Variants in GPC6 observed in about 807,000 individuals in gnomAD.
GPC6 encodes the protein glypican-6.
Under a neutral mutation model 55.2 loss-of-function variants are expected in GPC6, and 14 were observed. The ratio of observed to expected loss-of-function variants is 0.25; its 90% confidence interval spans 0.17 to 0.40. The LOEUF is 0.40. Ranked by LOEUF, GPC6 falls within the 10% of genes least tolerant of loss-of-function variation. GPC6 has a pLI of 1.00. For missense variants in GPC6, 641 were observed against 708.5 expected, an observed-to-expected ratio of 0.90 and a Z score of 1.08; for synonymous variants, 278 against 259.6, an observed-to-expected ratio of 1.07 and a Z score of -0.68.
chr13:93,591,963 T>A (rs1268506661), intron 2 of GPC6, among the ~76,000 whole-genome samples: 1 of 152,196 alleles, frequency 6.6e-6, no homozygotes, highest in African/African-American at 2.4e-5. Context: ...AAATGAGCTA[T>A]TTAAATTAAG....
At chr13:93,761,566 C>G (rs7984578) in intron 2 of GPC6, among the ~76,000 whole-genome samples, 145,815 of 152,078 alleles carry the variant, frequency 0.96, 69,948 homozygotes, top group African/African-American at 0.99. Flanking sequence ...GCCCAGGCTG[C>G]AGTGCAGTGG....
intron 2 of GPC6, among the ~76,000 whole-genome samples, chr13:93,688,768 G>A (rs1033754177): frequency 4.6e-5 from 7 of 151,994 alleles, no homozygotes; most frequent in African/African-American, 1.4e-4. Flanking sequence ...GTGCTGAGGG[G>A]AGGGCAGAAT....
At chr13:93,510,833 T>G (rs1880926982) in intron 1 of GPC6, among the ~76,000 whole-genome samples, 1 of 150,434 alleles carries the variant, frequency 6.6e-6, no homozygotes, top group African/African-American at 2.4e-5. Flanking sequence ...GACTAGCTAT[T>G]CTGACCGGGG....
upstream of GPC6, among the ~76,000 whole-genome samples, chr13:93,224,465 AT>A (rs1256257137): frequency 6.6e-6 from 1 of 152,154 alleles, no homozygotes; most frequent in African/African-American, 2.4e-5. Context: ...AAGTGCTGGG[AT>A]TATAGGCATG....
chr13:93,968,382 A>C (rs926758913), intron 3 of GPC6, among the ~76,000 whole-genome samples: 2 of 152,222 alleles, frequency 1.3e-5, no homozygotes, highest in Non-Finnish European at 2.9e-5. Context: ...TAATCACTTA[A>C]TTCTGTTTCT....
rs77463675 is a variant in GPC6, at chr13:94,233,760, A to G, written c.878-52589A>G. ...GGTACAAGAGGAGTGATTTTGGTTT[A>G]TTGTTATAATTGTTGTATTTTATTC... On this transcript the variant is annotated intron_variant, in intron 4 of 8. Transcript: ENST00000377047. Among the ~76,000 whole-genome samples, 637 of 152,192 alleles carry G rather than the reference A, an allele frequency of 4.2e-3. 11 individuals are homozygous for G. The highest frequency in any genetic ancestry group is 0.015 in the African/African-American group (612 of 41,534).
At chr13:93,379,922 T>G (rs1289060970) in intron 1 of GPC6, among the ~76,000 whole-genome samples, 2 of 150,860 alleles carry the variant, frequency 1.3e-5, no homozygotes, top group South Asian at 2.1e-4. Flanking sequence ...ATGTTGGTTT[T>G]GGTTATAGAA....
chr13:93,971,088 G>T (rs1365208670), intron 3 of GPC6, among the ~76,000 whole-genome samples: 1 of 152,128 alleles, frequency 6.6e-6, no homozygotes, highest in African/African-American at 2.4e-5. Flanking sequence ...TCTACACTGA[G>T]GATCAGTTTC....
chr13:94,306,734 T>C (rs1875966542), intron 6 of GPC6, among the ~76,000 whole-genome samples: 1 of 152,156 alleles, frequency 6.6e-6, no homozygotes, highest in Non-Finnish European at 1.5e-5. Flanking sequence ...ACCATAAACA[T>C]AGTAAATACA....
At chr13:93,613,957 T>G (rs1878604254) in intron 2 of GPC6, among the ~76,000 whole-genome samples, 1 of 152,174 alleles carries the variant, frequency 6.6e-6, no homozygotes, top group South Asian at 2.1e-4. Context: ...TCCAGTCAAT[T>G]TAGAACAATT....
At chr13:93,580,550 A>C (rs2139487799) in intron 2 of GPC6, among the ~76,000 whole-genome samples, 1 of 152,224 alleles carries the variant, frequency 6.6e-6, no homozygotes, top group South Asian at 2.1e-4. Flanking sequence ...ATACTTATTG[A>C]GCACCTATTA....
intron 1 of GPC6, among the ~76,000 whole-genome samples, chr13:93,229,559 C>A (rs1407040817): frequency 6.6e-6 from 1 of 152,148 alleles, no homozygotes; most frequent in Admixed American, 6.5e-5. Context: ...TCTGTAGTCA[C>A]CATGAATGTT....
intron 2 of GPC6, among the ~76,000 whole-genome samples, chr13:93,743,923 G>A (rs983947415): frequency 3.9e-5 from 6 of 152,110 alleles, no homozygotes; most frequent in Non-Finnish European, 2.9e-5. Context: ...TGCTGATACT[G>A]AATGGCATTA....
intron 4 of GPC6, among the ~76,000 whole-genome samples, chr13:94,203,125 G>C (rs1889805180): frequency 7.8e-6 from 1 of 128,610 alleles, no homozygotes; most frequent in South Asian, 2.6e-4. Flanking sequence ...CACTTATAGT[G>C]AGTCTTATAT....
chr13:94,171,070 A>T (rs754995161), intron 4 of GPC6, among the ~76,000 whole-genome samples: 1 of 152,100 alleles, frequency 6.6e-6, no homozygotes, highest in Non-Finnish European at 1.5e-5. Context: ...ATTGTCTTTG[A>T]TTCTTTTCAC....
At chr13:93,546,843 G>T (rs567759323) in intron 2 of GPC6, among the ~76,000 whole-genome samples, 30 of 152,150 alleles carry the variant, frequency 2.0e-4, no homozygotes, top group African/African-American at 7.2e-4. Context: ...TTGTGTCTCT[G>T]GGAAAACAAA....
intron 1 of GPC6, among the ~76,000 whole-genome samples, chr13:93,434,402 T>C (rs936269073): frequency 2.6e-5 from 4 of 152,082 alleles, no homozygotes; most frequent in Non-Finnish European, 4.4e-5. Context: ...AAGTGTATAA[T>C]TGGGGGGATA....
At chr13:93,724,793 C>T (rs1020449057) in intron 2 of GPC6, among the ~76,000 whole-genome samples, 55 of 151,908 alleles carry the variant, frequency 3.6e-4, no homozygotes, top group African/African-American at 1.2e-3. Flanking sequence ...TTTAAAGGTG[C>T]GATCATTCAT....
At chr13:93,781,913 C>G (rs1333731768) in intron 2 of GPC6, among the ~76,000 whole-genome samples, 1 of 152,036 alleles carries the variant, frequency 6.6e-6, no homozygotes, top group Non-Finnish European at 1.5e-5. Flanking sequence ...ATTTTATTAG[C>G]ATATGTATTA....
Sources: gnomAD v4.1 joint callset for allele counts (sites outside exome capture counted in the v4.1 genomes callset) on GRCh38, gnomAD v4.1.1 for gene constraint, MANE v1.5 for transcripts, NCBI Gene and HGNC (gene_info 2026-07-23, HGNC 2026-07-21) for gene names.